The following PLK4 variants were observed in gnomAD, a reference collection of about 807,000 sequenced individuals.
The protein encoded by PLK4 is serine/threonine-protein kinase PLK4.
Under a neutral mutation model 103.0 loss-of-function variants are expected in PLK4, and 51 were observed. The ratio of observed to expected loss-of-function variants is 0.50; its 90% CI spans 0.40 to 0.63. The LOEUF (loss-of-function observed/expected upper bound fraction) is 0.63. PLK4 is among the 20% of genes least tolerant of loss of function. The probability of loss-of-function intolerance (pLI) is 0.00; values close to 1 mark genes in which losing one functional copy is unlikely to be tolerated. For synonymous variants in PLK4, 389 were observed against 376.8 expected (o/e 1.03, Z -0.38); for missense variants, 1,054 against 1,151.0 (o/e 0.92, Z 1.22).
intron 15 of PLK4, among the ~76,000 whole-genome samples, chr4:127,897,485 G>A (rs1423708702): frequency 6.6e-6 from 1 of 152,168 alleles, no homozygotes; most frequent in African/African-American, 2.4e-5. Context: ...GGGTACTGAC[G>A]ATGCCAATGC....
rs769389080 is a variant in PLK4, at chr4:127,881,823, C to CTT, written c.31-5_31-4dup. On this transcript the variant is annotated splice_region_variant and splice_polypyrimidine_tract_variant and intron_variant, in intron 1 of 15. Transcript: ENST00000270861. Reference sequence around the variant, plus strand: ...CATCACACATAATCTTTAATTTTAACTTTTAAGGATTTTAAAGTTGGAAAT... The same window carrying CTT: ...CATCACACATAATCTTTAATTTTAACTTTTTTAAGGATTTTAAAGTTGGAAAT... 1.3e-6 allele frequency: 2 copies of CTT among 1,527,778 alleles called. No individual in the cohort carries two copies. The highest frequency in any genetic ancestry group is 1.8e-6 in the Non-Finnish European group (2 of 1,101,472). The allele number at this position is 1,527,778 out of a possible 1,614,324, so 94.6% of individuals were successfully genotyped here. A position where few individuals can be genotyped will look rare whatever the true frequency, so the allele number is the denominator to read the frequency against.
intron 1 of PLK4, chr4:127,881,406 C>G: frequency 1.4e-6 from 2 of 1,413,026 alleles, no homozygotes; most frequent in African/African-American, 1.4e-5. Context: ...TCCCGAGGCA[C>G]TGCGGCTTTC....
In PLK4 at chr4:127,885,862, A is replaced by G. The variant is rs1255939059; in HGVS notation, c.492A>G (p.Pro164=). The G allele has an allele frequency of 1.2e-6, 2 of 1,614,028 alleles. No individual in the cohort carries two copies. Among genetic ancestry groups the G allele is most frequent in the East Asian group, 2.2e-5 (1 of 44,892 alleles). ...GGCTGGCAACTCAACTGAAAATGCCACATGAAAAGCACTATACATTATGTG... is the reference window on the plus strand; with the variant it reads ...GGCTGGCAACTCAACTGAAAATGCCGCATGAAAAGCACTATACATTATGTG... ...DFGLATQLKM[P]HEKHYTLCGT... Residue 164 remains proline (P), a synonymous_variant, in exon 5 of 16, where the codon CCA becomes CCG. Coordinates refer to ENST00000270861, the MANE Select transcript of PLK4 (RefSeq NM_014264.5).
At chr4:127,884,937 TA>T (rs374968396) in intron 4 of PLK4, among the ~76,000 whole-genome samples, 21 of 146,242 alleles carry the variant, frequency 1.4e-4, no homozygotes, top group Admixed American at 4.8e-4. Context: ...AGACTCCATC[TA>T]AAAAAAAAAG....
At chr4:127,883,384 C>A in intron 3 of PLK4, 27 bp downstream of exon 3, 2 of 1,440,406 alleles carry the variant, frequency 1.4e-6, no homozygotes, top group Non-Finnish European at 9.7e-7. Context: ...GTAGAAGTGA[C>A]CAAGGACACT....
chr4:127,895,615 G>T (rs1197118148), intron 14 of PLK4, among the ~76,000 whole-genome samples: 1 of 151,796 alleles, frequency 6.6e-6, no homozygotes, highest in Non-Finnish European at 1.5e-5. Context: ...TAGAGACGGG[G>T]TTTCACCATG....
At position 127,886,674 on chromosome 4, in the gene PLK4, A is replaced by G; in HGVS notation, c.1304A>G (p.Glu435Gly). The change falls in exon 5 of 16, where the codon GAA becomes GGA. Residue 435 changes from glutamate (E) to glycine (G), a missense_variant. Coordinates refer to ENST00000270861, the MANE Select transcript of PLK4 (RefSeq NM_014264.5). Reference sequence around the variant, plus strand: ...GCCAACATTTTTAACTTCTTTAAAGAAAAGACATCCAGTAGTTCTGGATCT... The same window carrying G: ...GCCAACATTTTTAACTTCTTTAAAGGAAAGACATCCAGTAGTTCTGGATCT... ...NNANIFNFFKEKTSSSSGSFE... is the reference protein window; with the variant it reads ...NNANIFNFFKGKTSSSSGSFE... 1.2e-6 allele frequency: 2 copies of G among 1,612,970 alleles called. No homozygotes were observed. The highest frequency in any genetic ancestry group is 8.5e-7 in the Non-Finnish European group (1 of 1,179,346).
rs768073163 is a variant in PLK4 at position 127,886,627 on chromosome 4, G to A, written c.1257G>A (p.Arg419=). 16 of 1,612,134 alleles carry A rather than the reference G, an allele frequency of 9.9e-6. 1 individual carries two copies. The South Asian group carries it at 1.8e-4, about 18-fold the overall frequency. ...KRSGGGENEE[R]YSPTDNNANI... is the part of the protein sequence containing the mutation. ...CAGGAGGAGGTGAAAATGAAGAGAG[G>A]TACTCACCCACAGACAACAATGCCA... Residue 419 remains arginine, a synonymous_variant, in exon 5 of 16, where the codon AGG becomes AGA. Coordinates refer to ENST00000270861, the MANE Select transcript of PLK4 (RefSeq NM_014264.5).
chr4:127,887,967 G>A (rs772501684), intron 6 of PLK4, among the ~76,000 whole-genome samples: 79 of 150,566 alleles, frequency 5.2e-4, no homozygotes, highest in Non-Finnish European at 1.1e-3. Flanking sequence ...GTAACTTGAG[G>A]TCAGGCATTC....
In PLK4 at chr4:127,891,078, T is replaced by G. The variant is rs748815097; in HGVS notation, c.1831-14T>G. ...AAAGAATTATTACTGATTTTGGGTT[T>G]TTTTTTTTTTTAGGTGAGCATACTT... On this transcript the variant is annotated splice_polypyrimidine_tract_variant and intron_variant, in intron 7 of 15. Coordinates refer to ENST00000270861, the MANE Select transcript of PLK4 (RefSeq NM_014264.5). The G allele has an allele frequency of 4.2e-6, 6 of 1,418,224 alleles. No homozygotes were observed. Among genetic ancestry groups the G allele is most frequent in the Admixed American group, 2.0e-5 (1 of 49,024 alleles). The allele number at this position is 1,418,224 out of a possible 1,614,324, so 87.9% of individuals were successfully genotyped here. A position where few individuals can be genotyped will look rare whatever the true frequency, so the allele number is the denominator to read the frequency against.
chr4:127,880,954 C>A lies in PLK4; in HGVS notation c.-181C>A. ...TTTTCAAAATGGGAGCCCAGAGGCA[C>A]CGCCCAGGCCTCGGAAGGTGTCAGG... On this transcript the variant is annotated 5_prime_UTR_variant, in exon 1 of 16. Transcript: ENST00000270861. 3.1e-6 allele frequency: 2 copies of A among 639,068 alleles called. No homozygotes were observed. The highest frequency in any genetic ancestry group is 3.9e-4 in the Middle Eastern group (1 of 2,544). 39.6% of individuals were successfully genotyped at this position (639,068 alleles called of 1,614,324 possible).
intron 14 of PLK4, among the ~76,000 whole-genome samples, chr4:127,895,452 CTTTTTTTTTTTTT>C (rs70966059): frequency 8.7e-4 from 57 of 65,194 alleles, no homozygotes; most frequent in African/African-American, 2.7e-3. Context: ...GAGTAACTTT[CTTTTTTTTTTTTT>C]TTTTTTTTTT....
intron 2 of PLK4, 41 bp downstream of exon 2, chr4:127,881,967 G>A (rs1228116967): frequency 2.8e-6 from 3 of 1,074,022 alleles, no homozygotes; most frequent in South Asian, 2.5e-5. Context: ...TACTTTGCAA[G>A]TAACTAGAGA....
chr4:127,895,712 C>G (rs1445816842), intron 14 of PLK4, among the ~76,000 whole-genome samples: 1 of 151,814 alleles, frequency 6.6e-6, no homozygotes, highest in African/African-American at 2.4e-5. Context: ...TGAGCCACTG[C>G]CCCCGGCCAG....
Position 127,893,767 on chromosome 4 carries a change from A to T in PLK4, c.2448A>T (p.Leu816Phe), listed in dbSNP as rs1184827036. The change falls in exon 13 of 16, where the codon TTA becomes TTT. Residue 816 changes from leucine (L) to phenylalanine (F), a missense_variant. Physicochemically the swap from Leu to Phe is conservative, Grantham distance 22. Around this residue, in one of 4 missense-constraint regions of PLK4, gnomAD observed 167 missense variants for 200.7 expected, o/e 0.83. Transcript: ENST00000270861. ...KPGSTSSPKA[L>F]SPPPSVDSNY... The stretch of plus-strand genomic sequence containing the variant: ...GTAGTACTAGTTCACCTAAGGCCTT[A>T]TCACCTCCTCCTTCTGTGGATTCAA... 18 of 1,612,718 alleles carry T rather than the reference A, an allele frequency of 1.1e-5. No homozygotes were observed. Among genetic ancestry groups the T allele is most frequent in the Non-Finnish European group, 1.5e-5 (18 of 1,178,790 alleles).
Position 127,886,695 on chromosome 4 carries a change from G to C in PLK4, c.1325G>C (p.Gly442Ala). ...AAAGAAAAGACATCCAGTAGTTCTG[G>C]ATCTTTTGAAAGACCTGATAACAAT... ...FFKEKTSSSS[G>A]SFERPDNNQA... is the part of the protein sequence containing the mutation. The change falls in exon 5 of 16, where the codon GGA becomes GCA. Residue 442 changes from glycine to alanine, a missense_variant. Coordinates refer to ENST00000270861, the MANE Select transcript of PLK4 (RefSeq NM_014264.5). 6.2e-7 allele frequency: 1 copy of C among 1,608,958 alleles called. No individual in the cohort carries two copies.
rs1735121801 is a variant in PLK4 at position 127,886,250 on chromosome 4, A to G, written c.880A>G (p.Ile294Val). 1.2e-6 allele frequency: 2 copies of G among 1,614,110 alleles called. No individual in the cohort carries two copies. Among genetic ancestry groups the G allele is most frequent in the Non-Finnish European group, 1.7e-6 (2 of 1,179,944 alleles). The change falls in exon 5 of 16, where the codon ATT becomes GTT. Residue 294 changes from isoleucine to valine, a missense_variant. By Grantham distance (29) the Ile-to-Val change is conservative (BLOSUM62 3). Transcript: ENST00000270861. ...TGGGCATGCCACAATTTCTACTGCA[A>G]TTACAGCTTCTTCCAGTACCAGTAT... ...DSGHATISTA[I>V]TASSSTSISG...
At chr4:127,892,614 T>A in intron 10 of PLK4, 100 bp downstream of exon 10, 1 of 863,120 alleles carries the variant, frequency 1.2e-6, no homozygotes, top group East Asian at 2.5e-5. Flanking sequence ...GTTTTAAAGA[T>A]GTGTATGTAT....
chr4:127,891,496 A>G (rs1204265813), intron 8 of PLK4, 83 bp from the exon 9 acceptor site: 1 of 534,494 alleles, frequency 1.9e-6, no homozygotes, highest in Non-Finnish European at 3.3e-6. Flanking sequence ...TGTTACATTT[A>G]AACACTTTGT....
Sources: allele counts gnomAD v4.1 joint callset (sites outside exome capture counted in the v4.1 genomes callset), GRCh38; gene constraint gnomAD v4.1.1; regional missense constraint gnomAD v4.1.1; transcripts MANE v1.5; gene names NCBI Gene and HGNC (gene_info 2026-07-23, HGNC 2026-07-21).